RYR2: variants seen among roughly 807,000 people sequenced by gnomAD.
RYR2 encodes the protein ryanodine receptor 2.
Under a neutral mutation model 601.1 loss-of-function variants are expected in RYR2, and 227 were observed. The observed-to-expected ratio is 0.38, with a 90% confidence interval of 0.34 to 0.42. The LOEUF (loss-of-function observed/expected upper bound fraction) is 0.42. Ranked by LOEUF, RYR2 falls within the 10% of genes least tolerant of loss-of-function variation. The probability of loss-of-function intolerance (pLI) is 1.00; values close to 1 mark genes in which losing one functional copy is unlikely to be tolerated. For synonymous variants in RYR2, 2,223 were observed against 2,175.1 expected, an observed-to-expected ratio of 1.02 and a Z score of -0.61; for missense variants, 4,646 against 6,156.5, an observed-to-expected ratio of 0.75 and a Z score of 8.21.
intron 101 of RYR2, among the ~76,000 whole-genome samples, chr1:237,827,648 AAAT>A (rs1663270456): frequency 6.9e-6 from 1 of 144,452 alleles, no homozygotes; most frequent in African/African-American, 2.5e-5. Flanking sequence ...AAAAAAAAAA[AAAT>A]GACTTGACTG....
At chr1:237,449,553 A>G (rs1225768937) in intron 14 of RYR2, among the ~76,000 whole-genome samples, 1 of 151,854 alleles carries the variant, frequency 6.6e-6, no homozygotes, top group Non-Finnish European at 1.5e-5. Context: ...TGTAGTTATC[A>G]TTTCTAGTGC....
intron 2 of RYR2, among the ~76,000 whole-genome samples, chr1:237,321,485 C>T (rs999099308): frequency 6.6e-6 from 1 of 152,144 alleles, no homozygotes; most frequent in Non-Finnish European, 1.5e-5. Context: ...GTGTTTTAAA[C>T]ACAACTTAGG....
In RYR2 at chr1:237,788,107, A is replaced by C. The variant is rs1441937272; in HGVS notation, c.13448A>C (p.Lys4483Thr). Residue 4483 changes from lysine (K) to threonine (T), a missense_variant, in exon 92 of 105, where the codon AAA becomes ACA. Lys to Thr is a moderately conservative substitution (Grantham distance 78). Coordinates refer to ENST00000366574, the MANE Select transcript of RYR2 (RefSeq NM_001035.3). Reference protein sequence around the residue: ...PEVPESAFWKKIIAYQQKLLN... With the variant: ...PEVPESAFWKTIIAYQQKLLN... The stretch of plus-strand genomic sequence containing the variant: ...GTGCCAGAGTCAGCATTCTGGAAGA[A>C]AATCATAGCATATCAACAGAAACTT... 1 of 1,612,014 alleles carries C rather than the reference A, an allele frequency of 6.2e-7. No homozygotes were observed. The highest frequency in any genetic ancestry group is 1.3e-5 in the African/African-American group (1 of 74,868).
chr1:237,203,670 G>A (rs929703506), intron 1 of RYR2, among the ~76,000 whole-genome samples: 3 of 152,040 alleles, frequency 2.0e-5, no homozygotes, highest in Non-Finnish European at 2.9e-5. Flanking sequence ...TACTTTCTAA[G>A]CTTCATTAAA....
At chr1:237,683,169 T>A (rs937621788) in intron 62 of RYR2, among the ~76,000 whole-genome samples, 1 of 152,244 alleles carries the variant, frequency 6.6e-6, no homozygotes, top group Non-Finnish European at 1.5e-5. Flanking sequence ...TAAATAAGCA[T>A]GTCTTCATTC....
Position 237,628,049 on chromosome 1 carries a change from G to A in RYR2, c.6409G>A (p.Glu2137Lys). ...RSLLSVRMGK[E>K]EEKLMIRGLG... The stretch of plus-strand genomic sequence containing the variant: ...CCTGCTGAGTGTGAGAATGGGCAAA[G>A]AAGAAGAGAAGCTCATGATTCGTGG... The change falls in exon 41 of 105, where the codon GAA becomes AAA. Residue 2137 changes from glutamate to lysine, a missense_variant. Transcript: ENST00000366574. The A allele has an allele frequency of 6.2e-7, 1 of 1,613,918 alleles. No individual in the cohort carries two copies.
intron 35 of RYR2, among the ~76,000 whole-genome samples, chr1:237,602,513 A>C (rs184575518): frequency 6.6e-6 from 1 of 152,344 alleles, no homozygotes; most frequent in East Asian, 1.9e-4. Flanking sequence ...GATCAGCTAA[A>C]GCTCAAAGAA....
rs772280735 is a variant in RYR2, at chr1:237,781,561, T to C, written c.11881-4T>C. 2 of 1,478,060 alleles carry C rather than the reference T, an allele frequency of 1.4e-6. No homozygotes were observed. The highest frequency in any genetic ancestry group is 2.8e-5 in the African/African-American group (2 of 72,306). The allele number at this position is 1,478,060 out of a possible 1,614,324, so 91.6% of individuals were successfully genotyped here. A position where few individuals can be genotyped will look rare whatever the true frequency, so the allele number is the denominator to read the frequency against. On this transcript the variant is annotated splice_region_variant and splice_polypyrimidine_tract_variant and intron_variant, in intron 88 of 104. Coordinates refer to ENST00000366574, the MANE Select transcript of RYR2 (RefSeq NM_001035.3). The stretch of plus-strand genomic sequence containing the variant: ...TATCTCAAATGCAATGTTCATATTT[T>C]CAGGATTCCAGTCAAATTGAGCTAT...
intron 23 of RYR2, among the ~76,000 whole-genome samples, chr1:237,508,867 C>G (rs1329557466): frequency 2.7e-5 from 4 of 149,614 alleles, no homozygotes; most frequent in South Asian, 2.1e-4. Context: ...CTCAGCCTCC[C>G]GAGTAGCTGG....
chr1:237,811,153 C>T (rs1478419353), intron 100 of RYR2, among the ~76,000 whole-genome samples: 1 of 152,120 alleles, frequency 6.6e-6, no homozygotes, highest in Non-Finnish European at 1.5e-5. Flanking sequence ...AGATAATCTG[C>T]CTTCAGTTAT....
At chr1:237,742,388 T>A in intron 80 of RYR2, 39 bp downstream of exon 80, 1 of 1,346,092 alleles carries the variant, frequency 7.4e-7, no homozygotes, top group Non-Finnish European at 1.0e-6. Context: ...TCTTTCTATC[T>A]TGAAACATTG....
intron 66 of RYR2, among the ~76,000 whole-genome samples, chr1:237,703,794 A>C (rs1384860241): frequency 6.6e-6 from 1 of 151,716 alleles, no homozygotes; most frequent in East Asian, 1.9e-4. Flanking sequence ...TTAGAATTTC[A>C]AACATTTATC....
At chr1:237,204,769 G>GACC (rs1681608138) in intron 1 of RYR2, among the ~76,000 whole-genome samples, 2 of 152,214 alleles carry the variant, frequency 1.3e-5, no homozygotes, top group Admixed American at 6.5e-5. Flanking sequence ...TCCTAAGTCA[G>GACC]AGGAGATTCA....
At chr1:237,642,704 C>G (rs1005811353) in intron 47 of RYR2, among the ~76,000 whole-genome samples, 1 of 151,232 alleles carries the variant, frequency 6.6e-6, no homozygotes, top group African/African-American at 2.5e-5. Flanking sequence ...CTCTTCAGAC[C>G]TAGTCTGTCC....
intron 10 of RYR2, among the ~76,000 whole-genome samples, chr1:237,404,465 A>C (rs189226852): frequency 1.3e-5 from 2 of 152,240 alleles, no homozygotes; most frequent in African/African-American, 4.8e-5. Flanking sequence ...AGGAGAAACC[A>C]TAAAAATATA....
intron 78 of RYR2, among the ~76,000 whole-genome samples, chr1:237,733,121 T>TG (rs1218844189): frequency 6.6e-6 from 1 of 152,200 alleles, no homozygotes; most frequent in Non-Finnish European, 1.5e-5. Context: ...TTCTCATAAG[T>TG]GAATTTTTCT....
At chr1:237,685,696 A>G (rs561687502) in intron 62 of RYR2, among the ~76,000 whole-genome samples, 1 of 152,350 alleles carries the variant, frequency 6.6e-6, no homozygotes, top group East Asian at 1.9e-4. Flanking sequence ...GCTGTCAGCC[A>G]TAAAGCTCAG....
chr1:237,588,096 A>C (rs974282707), intron 29 of RYR2, among the ~76,000 whole-genome samples: 5 of 152,128 alleles, frequency 3.3e-5, no homozygotes, highest in Admixed American at 2.6e-4. Flanking sequence ...TTTCTTGACT[A>C]TAGCTTTAAG....
At chr1:237,220,398 G>A (rs1056762234) in intron 1 of RYR2, among the ~76,000 whole-genome samples, 2 of 152,164 alleles carry the variant, frequency 1.3e-5, no homozygotes, top group Non-Finnish European at 1.5e-5. Flanking sequence ...GACCGGTGGT[G>A]TGCTGTTGGC....
Sources: allele counts gnomAD v4.1 joint callset (sites outside exome capture counted in the v4.1 genomes callset), GRCh38; gene constraint gnomAD v4.1.1; transcripts MANE v1.5; gene names NCBI Gene and HGNC (gene_info 2026-07-23, HGNC 2026-07-21).